The following FBXL7 variants were observed in gnomAD, a reference collection of about 807,000 sequenced individuals.
The protein encoded by FBXL7 is F-box and leucine rich repeat protein 7.
In FBXL7, 12 loss-of-function variants were observed where a neutral mutation model predicts 38.3. The observed-to-expected ratio is 0.31, with a 90% CI of 0.20 to 0.51. FBXL7 has a LOEUF of 0.51. Among genes scored for constraint, FBXL7 ranks in the 20% least tolerant of loss-of-function variants. The pLI is 0.98. For missense variants in FBXL7, 567 were observed against 676.4 expected (o/e 0.84, Z 1.79); for synonymous variants, 297 against 300.9 (o/e 0.99, Z 0.13).
chr5:15,769,914 A>T (rs1736684299), intron 2 of FBXL7, among the ~76,000 whole-genome samples: 1 of 152,318 alleles, frequency 6.6e-6, no homozygotes, highest in Non-Finnish European at 1.5e-5. Flanking sequence ...GCTACCTTTG[A>T]AACTTTTTTT....
In FBXL7 at chr5:15,547,703, A is replaced by T. The variant is rs553210082; in HGVS notation, c.37+46990A>T. On this transcript the variant is annotated intron_variant, in intron 1 of 3. Coordinates refer to ENST00000504595, the MANE Select transcript of FBXL7 (RefSeq NM_012304.5). ...CCAGGGTCATTGGGCCTGCTGGGCT[A>T]AAGCACTGAAGGACATCCTGTTTCC... is the stretch of plus-strand genomic sequence containing the variant. 3.3e-5 allele frequency among the ~76,000 whole-genome samples: 5 copies of T among 152,304 alleles called. No individual in the cohort carries two copies. In the South Asian group the frequency reaches 1.0e-3, roughly 32 times the overall value.
chr5:15,655,926 C>G (rs1741867043), intron 2 of FBXL7, among the ~76,000 whole-genome samples: 1 of 152,202 alleles, frequency 6.6e-6, no homozygotes, highest in African/African-American at 2.4e-5. Flanking sequence ...AAAGTACTTT[C>G]CCTGCCAGAA....
At position 15,937,384 on chromosome 5, in the gene FBXL7, C is replaced by G; in HGVS notation, c.*198C>G. ...GAAACGAAGCAAGACAAACAGCAAA[C>G]AGGCATTTTGGTCAGGTCATTTGTA... On this transcript the variant is annotated 3_prime_UTR_variant, in exon 4 of 4. Transcript: ENST00000504595. 1 of 662,702 alleles carries G rather than the reference C, an allele frequency of 1.5e-6. No individual in the cohort carries two copies. Among genetic ancestry groups the G allele is most frequent in the Non-Finnish European group, 2.5e-6 (1 of 403,330 alleles). 41.1% of individuals were successfully genotyped at this position (662,702 alleles called of 1,614,324 possible). A position where few individuals can be genotyped will look rare whatever the true frequency, so the allele number is the denominator to read the frequency against.
intron 2 of FBXL7, among the ~76,000 whole-genome samples, chr5:15,817,650 C>G (rs1738054401): frequency 6.6e-6 from 1 of 152,068 alleles, no homozygotes; most frequent in Non-Finnish European, 1.5e-5. Flanking sequence ...GTGAATAAGT[C>G]TCATGAGATC....
intron 1 of FBXL7, among the ~76,000 whole-genome samples, chr5:15,595,962 A>G (rs146943296): frequency 1.3e-4 from 20 of 152,314 alleles, no homozygotes; most frequent in Non-Finnish European, 2.4e-4. Flanking sequence ...TGGTGAAATA[A>G]CATGAAATAA....
Position 15,936,848 on chromosome 5 carries a change from T to A in FBXL7, c.1138T>A (p.Tyr380Asn). 6.2e-7 allele frequency: 1 copy of A among 1,613,830 alleles called. No individual in the cohort carries two copies. The highest frequency in any genetic ancestry group is 1.7e-5 in the Admixed American group (1 of 59,998). ...GGCCAAGTACTGCAGCAAGCTGCGC[T>A]ACCTCAACGCGAGGGGCTGCGAGGG... ...YVAKYCSKLR[Y>N]LNARGCEGIT... Residue 380 changes from tyrosine (Y) to asparagine (N), a missense_variant, in exon 4 of 4, where the codon TAC (tyrosine) becomes AAC (asparagine). Tyr to Asn is a moderately radical substitution (Grantham distance 143, BLOSUM62 -2). Transcript: ENST00000504595. The surrounding 1 kb of genome is among the most constrained non-coding windows in gnomAD (Gnocchi z 6.0).
chr5:15,693,447 T>C (rs913893958), intron 2 of FBXL7, among the ~76,000 whole-genome samples: 1 of 152,212 alleles, frequency 6.6e-6, no homozygotes, highest in African/African-American at 2.4e-5. Context: ...TTTTAAAAAG[T>C]GGCTTCCCTG....
At chr5:15,864,784 G>C (rs1739633326) in intron 2 of FBXL7, among the ~76,000 whole-genome samples, 1 of 152,172 alleles carries the variant, frequency 6.6e-6, no homozygotes, top group South Asian at 2.1e-4. Context: ...AGGTTCAGTA[G>C]ATTCTAATTT....
At chr5:15,794,250 G>GT (rs1271206395) in intron 2 of FBXL7, among the ~76,000 whole-genome samples, 4 of 152,258 alleles carry the variant, frequency 2.6e-5, no homozygotes, top group Non-Finnish European at 5.9e-5. Context: ...TCCATAGAAA[G>GT]TTTTTAACAC....
chr5:15,765,413 T>C (rs1736559429), intron 2 of FBXL7, among the ~76,000 whole-genome samples: 1 of 152,150 alleles, frequency 6.6e-6, no homozygotes, highest in African/African-American at 2.4e-5. Flanking sequence ...GAGACTTTAG[T>C]GTTATAATCA....
rs1431602555 is a variant in FBXL7, at chr5:15,508,720, T to C, written c.37+8007T>C. Among the ~76,000 whole-genome samples, 3 of 152,216 alleles carry C rather than the reference T, an allele frequency of 2.0e-5. No individual in the cohort carries two copies. The East Asian group carries it at 5.8e-4, about 29-fold the overall frequency. On this transcript the variant is annotated intron_variant, in intron 1 of 3. Transcript: ENST00000504595. ...ACTTTTTCTCTTTAGTACTTCTTTC[T>C]CTGTCATATTAGTTACTGATTAGAA...
chr5:15,933,741 C>T (rs532506856), intron 3 of FBXL7, among the ~76,000 whole-genome samples: 1 of 152,100 alleles, frequency 6.6e-6, no homozygotes, highest in Admixed American at 6.5e-5. Context: ...TAAGAGTTTC[C>T]TGGGCAGCCT....
chr5:15,764,305 A>G (rs1359684757), intron 2 of FBXL7, among the ~76,000 whole-genome samples: 1 of 152,244 alleles, frequency 6.6e-6, no homozygotes, highest in Non-Finnish European at 1.5e-5. Flanking sequence ...ACAAGATACT[A>G]TTACTATTTG....
chr5:15,850,653 C>T (rs559316866), intron 2 of FBXL7, among the ~76,000 whole-genome samples: 12 of 152,208 alleles, frequency 7.9e-5, no homozygotes, highest in African/African-American at 1.4e-4. Flanking sequence ...GTATCCCATT[C>T]GGTTCTTGCA....
At chr5:15,865,354 G>A (rs1014659967) in intron 2 of FBXL7, among the ~76,000 whole-genome samples, 1 of 152,178 alleles carries the variant, frequency 6.6e-6, no homozygotes, top group Non-Finnish European at 1.5e-5. Flanking sequence ...TGGTCCCACA[G>A]GGAGAAAACA....
intron 2 of FBXL7, among the ~76,000 whole-genome samples, chr5:15,831,624 C>A (rs947093906): frequency 2.6e-5 from 4 of 152,156 alleles, no homozygotes; most frequent in African/African-American, 9.7e-5. Context: ...GCCAAGAGGT[C>A]TGTTTTCCAC....
chr5:15,626,417 A>T (rs1265692253), intron 2 of FBXL7, among the ~76,000 whole-genome samples: 1 of 152,202 alleles, frequency 6.6e-6, no homozygotes, highest in African/African-American at 2.4e-5. Flanking sequence ...ACAAATGTAC[A>T]ATAAAATGCT....
chr5:15,858,633 A>G (rs748113585), intron 2 of FBXL7, among the ~76,000 whole-genome samples: 16 of 152,198 alleles, frequency 1.1e-4, no homozygotes, highest in Non-Finnish European at 2.1e-4. Flanking sequence ...ATATGTCTTC[A>G]GTAACTTTCA....
chr5:15,560,630 A>G (rs1269341015), intron 1 of FBXL7, among the ~76,000 whole-genome samples: 2 of 152,224 alleles, frequency 1.3e-5, no homozygotes, highest in African/African-American at 2.4e-5. Context: ...GGTATGAGCA[A>G]TAATAATAAA....
Sources: gnomAD v4.1 joint callset for allele counts (sites outside exome capture counted in the v4.1 genomes callset) on GRCh38, gnomAD v4.1.1 for gene constraint, Gnocchi (gnomAD v3.1) non-coding constraint, MANE v1.5 for transcripts, NCBI Gene and HGNC (gene_info 2026-07-23, HGNC 2026-07-21) for gene names.